Variants in RYR2 observed in about 807,000 individuals in gnomAD.
The protein encoded by RYR2 is cardiac muscle ryanodine receptor-calcium release channel.
RYR2 carries 227 observed loss-of-function variants against 601.1 expected under a neutral mutation model. The observed-to-expected ratio is 0.38, with a 90% CI of 0.34 to 0.42. The LOEUF is 0.42. Ranked by LOEUF, RYR2 falls within the 10% of genes least tolerant of loss-of-function variation. RYR2 has a pLI of 1.00. For missense variants in RYR2, 4,646 were observed against 6,156.5 expected, an observed-to-expected ratio of 0.75 and a Z score of 8.21; for synonymous variants, 2,223 against 2,175.1, an observed-to-expected ratio of 1.02 and a Z score of -0.61.
chr1:237,409,455 A>G (rs190220244), intron 10 of RYR2, among the ~76,000 whole-genome samples: 27 of 152,232 alleles, frequency 1.8e-4, no homozygotes, highest in Non-Finnish European at 4.0e-4. Context: ...ATGATGGATT[A>G]TACTATGGTT....
At chr1:237,290,239 A>G (rs1692056074) in intron 2 of RYR2, among the ~76,000 whole-genome samples, 1 of 152,236 alleles carries the variant, frequency 6.6e-6, no homozygotes, top group Admixed American at 6.5e-5. Flanking sequence ...TCTTTAAGGA[A>G]AGTGACAGAT....
chr1:237,049,961 TAC>T (rs1055869938), intron 1 of RYR2, among the ~76,000 whole-genome samples: 3 of 152,324 alleles, frequency 2.0e-5, no homozygotes, highest in African/African-American at 7.2e-5. Flanking sequence ...CCCAGAATGT[TAC>T]AGTCAGCCTC....
At chr1:237,636,229 A>G (rs911460661) in intron 44 of RYR2, among the ~76,000 whole-genome samples, 1 of 152,072 alleles carries the variant, frequency 6.6e-6, no homozygotes, top group Non-Finnish European at 1.5e-5. Flanking sequence ...ATTTTTAAAA[A>G]TTCATCCCCT....
intron 27 of RYR2, among the ~76,000 whole-genome samples, chr1:237,565,186 TCTTTCTTTC>T (rs1188386388): frequency 1.0e-4 from 8 of 78,616 alleles, no homozygotes; most frequent in African/African-American, 3.5e-4. Flanking sequence ...TTTCTTTCTT[TCTTTCTTTC>T]TTTCTTTCTT....
At chr1:237,704,748 C>G (rs561521990) in intron 66 of RYR2, among the ~76,000 whole-genome samples, 57 of 151,278 alleles carry the variant, frequency 3.8e-4, no homozygotes, top group Admixed American at 7.3e-4. Flanking sequence ...AAAAAAAATT[C>G]AAAGGTAAGG....
intron 83 of RYR2, 89 bp from the exon 84 acceptor site, chr1:237,760,866 A>T: frequency 1.3e-6 from 1 of 780,942 alleles, no homozygotes; most frequent in Non-Finnish European, 2.1e-6. Context: ...TCATCTTCCA[A>T]GATATATGGT....
At chr1:237,186,561 T>G (rs1475924790) in intron 1 of RYR2, among the ~76,000 whole-genome samples, 7 of 152,222 alleles carry the variant, frequency 4.6e-5, no homozygotes. Context: ...CATTTGTGTT[T>G]TTTCAACTTT....
intron 24 of RYR2, among the ~76,000 whole-genome samples, chr1:237,516,012 C>T (rs959371738): frequency 1.3e-5 from 2 of 149,828 alleles, no homozygotes; most frequent in Non-Finnish European, 1.5e-5. Context: ...TCTTCTTCTT[C>T]TCTTTATCTT....
intron 33 of RYR2, among the ~76,000 whole-genome samples, chr1:237,594,886 G>GTTTTTTTTTTTTTTT (rs776702428): frequency 9.9e-5 from 6 of 60,420 alleles, no homozygotes; most frequent in South Asian, 7.1e-4. Flanking sequence ...ATATCACTGG[G>GTTTTTTTTTTTTTTT]TTTTTTTTTT....
intron 14 of RYR2, among the ~76,000 whole-genome samples, chr1:237,448,497 G>T (rs536413723): frequency 1.3e-5 from 2 of 152,248 alleles, no homozygotes; most frequent in South Asian, 4.1e-4. Flanking sequence ...GTGTTCAAAA[G>T]TGTCAATTTA....
At chr1:237,055,318 T>C (rs1237955350) in intron 1 of RYR2, among the ~76,000 whole-genome samples, 1 of 152,104 alleles carries the variant, frequency 6.6e-6, no homozygotes, top group African/African-American at 2.4e-5. Context: ...TTCTTTTTTC[T>C]CCTTCTCAAG....
intron 11 of RYR2, among the ~76,000 whole-genome samples, chr1:237,422,096 G>A (rs1490994303): frequency 6.6e-6 from 1 of 152,088 alleles, no homozygotes; most frequent in South Asian, 2.1e-4. Context: ...AGTCATGCAC[G>A]ATAGAACTGT....
At chr1:237,146,349 G>A (rs1279870474) in intron 1 of RYR2, among the ~76,000 whole-genome samples, 4 of 152,166 alleles carry the variant, frequency 2.6e-5, no homozygotes, top group Non-Finnish European at 5.9e-5. Flanking sequence ...GCTGGGAAGG[G>A]GCACTGCCGA....
intron 1 of RYR2, among the ~76,000 whole-genome samples, chr1:237,194,343 T>C (rs942948675): frequency 6.6e-6 from 1 of 152,168 alleles, no homozygotes; most frequent in Non-Finnish European, 1.5e-5. Context: ...AATTCATTAT[T>C]TATAACCCCT....
At chr1:237,462,237 T>A (rs1659564639) in intron 16 of RYR2, among the ~76,000 whole-genome samples, 1 of 152,202 alleles carries the variant, frequency 6.6e-6, no homozygotes, top group African/African-American at 2.4e-5. Flanking sequence ...AATAAGCCAC[T>A]GTCTTTGTAT....
intron 1 of RYR2, among the ~76,000 whole-genome samples, chr1:237,072,964 A>AAC (rs372950227): frequency 1.4e-5 from 2 of 145,510 alleles, no homozygotes. Context: ...AAAAAAAAAA[A>AAC]CAAAAACTCA....
intron 2 of RYR2, among the ~76,000 whole-genome samples, chr1:237,322,792 A>G (rs1228571502): frequency 6.6e-6 from 1 of 150,662 alleles, no homozygotes; most frequent in East Asian, 2.0e-4. Flanking sequence ...CATGTAGGAT[A>G]TTTCCTACAT....
At chr1:237,667,360 A>C (rs1684418869) in intron 57 of RYR2, among the ~76,000 whole-genome samples, 1 of 152,236 alleles carries the variant, frequency 6.6e-6, no homozygotes, top group Admixed American at 6.5e-5. Flanking sequence ...AAAATGACAC[A>C]GTAAACTTGA....
intron 1 of RYR2, among the ~76,000 whole-genome samples, chr1:237,099,497 C>T (rs1558230763): frequency 6.6e-6 from 1 of 152,120 alleles, no homozygotes; most frequent in South Asian, 2.1e-4. Context: ...CTTGGCCTCC[C>T]GAAGTGCTGG....
Sources: allele counts gnomAD v4.1 joint callset (sites outside exome capture counted in the v4.1 genomes callset), GRCh38; gene constraint gnomAD v4.1.1; transcripts MANE v1.5; gene names NCBI Gene and HGNC (gene_info 2026-07-23, HGNC 2026-07-21).